The following VSTM4 variants were observed in gnomAD, a reference collection of about 807,000 sequenced individuals.
VSTM4 encodes V-set and transmembrane domain-containing protein 4.
Under a neutral mutation model 36.4 loss-of-function variants are expected in VSTM4, and 20 were observed. The ratio of observed to expected loss-of-function variants is 0.55; its 90% CI spans 0.39 to 0.80. VSTM4 has a LOEUF of 0.80. Among genes scored for constraint, VSTM4 ranks in the 30% least tolerant of loss-of-function variants. The probability of loss-of-function intolerance (pLI) is 0.00; values close to 1 mark genes in which losing one functional copy is unlikely to be tolerated. For missense variants in VSTM4, 392 were observed against 404.5 expected (o/e 0.97, Z 0.26); for synonymous variants, 182 against 173.9 (o/e 1.05, Z -0.37).
rs941745391 is a variant in VSTM4, at chr10:49,017,819, A to G, written c.*1831T>C. The G allele has an allele frequency of 1.3e-5, 2 of 152,218 alleles. No individual in the cohort carries two copies. Among genetic ancestry groups the G allele is most frequent in the Non-Finnish European group, 2.9e-5 (2 of 68,040 alleles). 9.4% of individuals were successfully genotyped at this position (152,218 alleles called of 1,614,324 possible). A position where few individuals can be genotyped will look rare whatever the true frequency, so the allele number is the denominator to read the frequency against. On this transcript the variant is annotated 3_prime_UTR_variant, in exon 8 of 8. Coordinates refer to ENST00000332853, the MANE Select transcript of VSTM4 (RefSeq NM_001031746.5). ...CAAAACACTATACATCTGTCAGAAC[A>G]CTGCCATGATAAAATTAAAAATCCC...
chr10:49,030,518 C>T lies in VSTM4; in HGVS notation c.838-10743G>A, dbSNP rs571598537. Among the ~76,000 whole-genome samples, 4 of 152,348 alleles carry T rather than the reference C, an allele frequency of 2.6e-5. No homozygotes were observed. In the South Asian group the frequency reaches 6.2e-4, roughly 24 times the overall value. On this transcript the variant is annotated intron_variant, in intron 7 of 7. Coordinates refer to ENST00000332853, the MANE Select transcript of VSTM4 (RefSeq NM_001031746.5). ...GGTCACCCAGGGACTGAGAGCCAGT[C>T]ACCCAGCATGCTCTAGGACAGTGGG...
rs982506443 is a variant in VSTM4, at chr10:49,115,517, G to C, written c.-32C>G. ...GCCGCCGCCCGGCGCTGTGACGCGG[G>C]AGAGCGCCGCCGCCTGGCCCGGCCG... On this transcript the variant is annotated 5_prime_UTR_variant, in exon 1 of 8. Coordinates refer to ENST00000332853, the MANE Select transcript of VSTM4 (RefSeq NM_001031746.5). The C allele has an allele frequency of 2.0e-6, 2 of 981,646 alleles. No individual in the cohort carries two copies. Among genetic ancestry groups the C allele is most frequent in the Non-Finnish European group, 1.2e-6 (1 of 828,724 alleles). 60.8% of individuals were successfully genotyped at this position (981,646 alleles called of 1,614,324 possible). A position where few individuals can be genotyped will look rare whatever the true frequency, so the allele number is the denominator to read the frequency against.
intron 7 of VSTM4, among the ~76,000 whole-genome samples, chr10:49,036,947 C>T (rs531607947): frequency 1.8e-4 from 28 of 152,298 alleles, no homozygotes; most frequent in African/African-American, 6.5e-4. Flanking sequence ...GGGAGGCTTA[C>T]TGTGGACTGT....
intron 4 of VSTM4, among the ~76,000 whole-genome samples, chr10:49,069,648 G>A (rs573686658): frequency 6.6e-6 from 1 of 152,298 alleles, no homozygotes; most frequent in African/African-American, 2.4e-5. Flanking sequence ...GCCCCCTCCA[G>A]GAATGAGTCC....
intron 7 of VSTM4, among the ~76,000 whole-genome samples, chr10:49,027,172 C>T (rs1843275325): frequency 6.6e-6 from 1 of 152,202 alleles, no homozygotes; most frequent in African/African-American, 2.4e-5. Flanking sequence ...GCCTCGCCCT[C>T]TCTAATGACC....
chr10:49,065,952 A>G (rs1400556464), intron 4 of VSTM4, among the ~76,000 whole-genome samples: 2 of 151,958 alleles, frequency 1.3e-5, no homozygotes. Flanking sequence ...GATAATCTAT[A>G]GATGCAACAA....
At chr10:49,059,128 C>T (rs1296411382) in intron 5 of VSTM4, among the ~76,000 whole-genome samples, 1 of 152,224 alleles carries the variant, frequency 6.6e-6, no homozygotes, top group Non-Finnish European at 1.5e-5. Context: ...CTAAGTCAAA[C>T]AGGCTTGAGG....
At position 49,093,509 on chromosome 10, in the gene VSTM4, G is replaced by A. The variant is rs547079888; in HGVS notation, c.458-7486C>T. Among the ~76,000 whole-genome samples, 10 of 152,294 alleles carry A rather than the reference G, an allele frequency of 6.6e-5. No homozygotes were observed. In the South Asian group the frequency reaches 2.1e-3, roughly 32 times the overall value. On this transcript the variant is annotated intron_variant, in intron 2 of 7. Coordinates refer to ENST00000332853, the MANE Select transcript of VSTM4 (RefSeq NM_001031746.5). ...GAGCAGAACATGTGTAAGGATGGAC[G>A]TGTCTTCCCAAGGAGTCAACTGCCT...
Position 49,017,671 on chromosome 10 carries a change from G to C in VSTM4, c.*1979C>G, listed in dbSNP as rs1299177568. On this transcript the variant is annotated 3_prime_UTR_variant, in exon 8 of 8. Transcript: ENST00000332853. ...GGGGCCTGGGAAGATATTACCCCCT[G>C]GCCTGTTGCCCTCTTCCCGCCATTT... 3 of 152,108 alleles carry C rather than the reference G, an allele frequency of 2.0e-5. No individual in the cohort carries two copies. The highest frequency in any genetic ancestry group is 2.9e-5 in the Non-Finnish European group (2 of 68,046). 9.4% of individuals were successfully genotyped at this position (152,108 alleles called of 1,614,324 possible).
intron 2 of VSTM4, among the ~76,000 whole-genome samples, chr10:49,104,896 G>C (rs1404338049): frequency 6.6e-6 from 1 of 151,590 alleles, no homozygotes; most frequent in Non-Finnish European, 1.5e-5. Flanking sequence ...AAGAGAGAGA[G>C]AGACACAGAG....
chr10:49,112,481 C>T lies in VSTM4; in HGVS notation c.55+2950G>A, dbSNP rs374819513. 5.9e-4 allele frequency among the ~76,000 whole-genome samples: 90 copies of T among 152,298 alleles called. 1 individual carries two copies. In the South Asian group the frequency reaches 0.016, roughly 27 times the overall value. On this transcript the variant is annotated intron_variant, in intron 1 of 7. Coordinates refer to ENST00000332853, the MANE Select transcript of VSTM4 (RefSeq NM_001031746.5). The stretch of plus-strand genomic sequence containing the variant: ...CTCCTGGAGTTTCAGTTTCCTCATC[C>T]GAAAAATGGGAAAAGGATGCCTTTC...
chr10:49,070,178 G>A lies in VSTM4; in HGVS notation c.635-5442C>T, dbSNP rs558183139. Among the ~76,000 whole-genome samples, 154 of 70,326 alleles carry A rather than the reference G, an allele frequency of 2.2e-3. 28 individuals carry two copies. In the South Asian group the frequency reaches 0.054, roughly 25 times the overall value. 46.1% of individuals were successfully genotyped at this position (70,326 alleles called of 152,430 possible). On this transcript the variant is annotated intron_variant, in intron 4 of 7. Coordinates refer to ENST00000332853, the MANE Select transcript of VSTM4 (RefSeq NM_001031746.5). ...TGAGGCAGGAGAATGGCATGAACCC[G>A]GGAGGCGGAGCTTGCAGTGAGCCGA... is the stretch of plus-strand genomic sequence containing the variant.
chr10:49,027,064 T>C (rs1486875913), intron 7 of VSTM4, among the ~76,000 whole-genome samples: 1 of 152,148 alleles, frequency 6.6e-6, no homozygotes, highest in Admixed American at 6.5e-5. Context: ...CCAGGCCCTC[T>C]GAATGCCCTG....
At position 49,019,460 on chromosome 10, in the gene VSTM4, G is replaced by C. The variant is rs1361924885; in HGVS notation, c.*190C>G. 4.7e-6 allele frequency: 3 copies of C among 635,310 alleles called. No homozygotes were observed. The highest frequency in any genetic ancestry group is 6.9e-6 in the Non-Finnish European group (3 of 436,538). The allele number at this position is 635,310 out of a possible 1,614,324, so 39.4% of individuals were successfully genotyped here. ...TCTTGTCCCGGGAGATCTGTCAAGA[G>C]CTGTGGCCCCGATTCTTTTGGGGAG... On this transcript the variant is annotated 3_prime_UTR_variant, in exon 8 of 8. Transcript: ENST00000332853.
At chr10:49,074,967 T>C (rs1344430383) in intron 4 of VSTM4, among the ~76,000 whole-genome samples, 1 of 152,150 alleles carries the variant, frequency 6.6e-6, no homozygotes, top group African/African-American at 2.4e-5. Flanking sequence ...GGTAAGAGCA[T>C]TGTCGCTCTC....
At chr10:49,077,130 C>A in intron 4 of VSTM4, 89 bp downstream of exon 4, 1 of 1,340,428 alleles carries the variant, frequency 7.5e-7, no homozygotes, top group Non-Finnish European at 1.0e-6. Flanking sequence ...TGCACTTTTC[C>A]ACCAAGGTGG....
chr10:49,023,314 AT>A (rs1843209206), intron 7 of VSTM4, among the ~76,000 whole-genome samples: 2 of 152,240 alleles, frequency 1.3e-5, no homozygotes, highest in Admixed American at 1.3e-4. Flanking sequence ...CATGTGCCTA[AT>A]TACATTTCCC....
chr10:49,061,861 C>A (rs181653202), intron 5 of VSTM4, among the ~76,000 whole-genome samples: 58 of 152,274 alleles, frequency 3.8e-4, no homozygotes, highest in South Asian at 8.3e-4. Flanking sequence ...GTATTTAGAT[C>A]ATTTACATTT....
chr10:49,037,816 C>T (rs561743123), intron 7 of VSTM4, among the ~76,000 whole-genome samples: 1 of 152,142 alleles, frequency 6.6e-6, no homozygotes, highest in South Asian at 2.1e-4. Flanking sequence ...ATAGCCATTT[C>T]TCCAAAGATA....
Sources: gnomAD v4.1 joint callset for allele counts (sites outside exome capture counted in the v4.1 genomes callset) on GRCh38, gnomAD v4.1.1 for gene constraint, MANE v1.5 for transcripts, NCBI Gene and HGNC (gene_info 2026-07-23, HGNC 2026-07-21) for gene names.